PCDH15: variants seen among roughly 807,000 people sequenced by gnomAD.
PCDH15 encodes the protein protocadherin-15.
PCDH15 carries 129 observed loss-of-function variants against 178.5 expected under a neutral mutation model. The ratio of observed to expected loss-of-function variants is 0.72; its 90% CI spans 0.63 to 0.84. The LOEUF (loss-of-function observed/expected upper bound fraction) is 0.84. PCDH15 is among the 40% of genes least tolerant of loss of function. The probability of loss-of-function intolerance (pLI) is 0.00; values close to 1 mark genes in which losing one functional copy is unlikely to be tolerated. For missense variants in PCDH15, 2,230 were observed against 2,099.9 expected (o/e 1.06, Z -1.21); for synonymous variants, 800 against 732.0 (o/e 1.09, Z -1.50).
chr10:54,369,400 A>C, intron 4 of PCDH15, 125 bp from the exon 5 acceptor site: 20 of 859,828 alleles, frequency 2.3e-5, no homozygotes, highest in Non-Finnish European at 3.1e-5. Context: ...TAATAATCTC[A>C]AAGAAAATGA....
chr10:55,402,259 T>C (rs1838088697), intron 2 of PCDH15, among the ~76,000 whole-genome samples: 2 of 152,102 alleles, frequency 1.3e-5, no homozygotes, highest in African/African-American at 2.4e-5. Flanking sequence ...AATAATTACA[T>C]ATATTTATGG....
At chr10:55,587,763 T>G (rs1443657107) in intron 2 of PCDH15, among the ~76,000 whole-genome samples, 1 of 152,214 alleles carries the variant, frequency 6.6e-6, no homozygotes, top group Admixed American at 6.5e-5. Context: ...TTTTTTACAC[T>G]ATTTTAAGTG....
At chr10:55,307,172 A>G (rs1843449125) in intron 1 of PCDH15, among the ~76,000 whole-genome samples, 1 of 152,062 alleles carries the variant, frequency 6.6e-6, no homozygotes, top group East Asian at 1.9e-4. Context: ...TATATAAGGT[A>G]TATTTTACAT....
At chr10:54,309,813 C>A (rs1166412749) in intron 8 of PCDH15, among the ~76,000 whole-genome samples, 1 of 151,656 alleles carries the variant, frequency 6.6e-6, no homozygotes, top group African/African-American at 2.4e-5. Context: ...AAAAAAAATA[C>A]TGTATATCTG....
At chr10:54,081,588 G>A (rs1048693967) in intron 16 of PCDH15, among the ~76,000 whole-genome samples, 8 of 152,072 alleles carry the variant, frequency 5.3e-5, no homozygotes, top group African/African-American at 1.9e-4. Context: ...GGGATTCATA[G>A]CTGAAAGACT....
chr10:54,658,201 T>C (rs117619296), intron 2 of PCDH15, among the ~76,000 whole-genome samples: 5,477 of 151,858 alleles, frequency 0.036, 235 homozygotes, highest in African/African-American at 0.1. Flanking sequence ...GAAAGAAACA[T>C]GAAAAATATA....
chr10:53,807,239 T>C, intron 37 of PCDH15, 109 bp from the exon 38 acceptor site: 2 of 894,864 alleles, frequency 2.2e-6, no homozygotes, highest in Non-Finnish European at 3.3e-6. Context: ...CTGTCAAAGG[T>C]AAATCACTCA....
chr10:54,172,439 G>C (rs553410451), intron 13 of PCDH15, among the ~76,000 whole-genome samples: 1 of 151,998 alleles, frequency 6.6e-6, no homozygotes, highest in East Asian at 1.9e-4. Context: ...GCCTGCACCC[G>C]GGTGAAATAA....
chr10:54,319,091 G>T (rs1280145794), intron 7 of PCDH15, among the ~76,000 whole-genome samples: 1 of 152,126 alleles, frequency 6.6e-6, no homozygotes. Flanking sequence ...CAAGGGTGGT[G>T]GTGGTAGCAT....
At chr10:54,009,665 G>A (rs946016292) in intron 20 of PCDH15, among the ~76,000 whole-genome samples, 4 of 152,168 alleles carry the variant, frequency 2.6e-5, no homozygotes, top group African/African-American at 9.6e-5. Flanking sequence ...ACAGAGGAGA[G>A]CAAGACAAGA....
chr10:54,221,421 C>T (rs952812871), intron 9 of PCDH15, among the ~76,000 whole-genome samples: 1 of 151,898 alleles, frequency 6.6e-6, no homozygotes, highest in African/African-American at 2.4e-5. Context: ...TTTAATTACA[C>T]GTGTTGATCA....
At position 55,207,169 on chromosome 10, in the gene PCDH15, A is replaced by G. The variant is rs139875039; in HGVS notation, c.-155-40518T>C. On this transcript the variant is annotated intron_variant, in intron 1 of 5. Coordinates refer to the PCDH15 transcript ENST00000458638. ...AAAACTTTGTTATTTATTAAATAGT[A>G]ATTTAGCACTTACAACATGATGAAT... Among the ~76,000 whole-genome samples, 670 of 152,198 alleles carry G rather than the reference A, an allele frequency of 4.4e-3. 7 individuals carry two copies. The highest frequency in any genetic ancestry group is 0.016 in the African/African-American group (651 of 41,474).
At chr10:55,169,598 T>C (rs1285659412) in intron 1 of PCDH15, among the ~76,000 whole-genome samples, 1 of 152,174 alleles carries the variant, frequency 6.6e-6, no homozygotes, top group Non-Finnish European at 1.5e-5. Flanking sequence ...TCAGTCTTCA[T>C]AACCACTATC....
intron 1 of PCDH15, among the ~76,000 whole-genome samples, chr10:54,780,320 T>A (rs1022854153): frequency 2.0e-5 from 3 of 152,154 alleles, no homozygotes; most frequent in African/African-American, 7.2e-5. Flanking sequence ...TACATTACAT[T>A]TACTAACGTA....
intron 2 of PCDH15, among the ~76,000 whole-genome samples, chr10:55,450,610 T>G (rs989634941): frequency 6.6e-6 from 1 of 152,164 alleles, no homozygotes; most frequent in Non-Finnish European, 1.5e-5. Context: ...TTGTTCAAAT[T>G]CATTGCAATT....
chr10:54,020,060 CTA>C (rs2092865598), intron 20 of PCDH15, 130 bp downstream of exon 20: 2 of 725,718 alleles, frequency 2.8e-6, no homozygotes, highest in Admixed American at 5.2e-5. Context: ...ATTGGAAAAT[CTA>C]TGTTATGGGT....
intron 3 of PCDH15, among the ~76,000 whole-genome samples, chr10:54,813,848 A>G (rs1761719137): frequency 6.6e-6 from 1 of 152,154 alleles, no homozygotes; most frequent in African/African-American, 2.4e-5. Context: ...TCTTTACATA[A>G]TTTCAATATC....
chr10:55,532,396 G>A (rs572425078), intron 2 of PCDH15, among the ~76,000 whole-genome samples: 53 of 151,942 alleles, frequency 3.5e-4, no homozygotes, highest in African/African-American at 1.2e-3. Context: ...ATACTCAGTC[G>A]CTTCATTAAT....
intron 2 of PCDH15, among the ~76,000 whole-genome samples, chr10:54,998,770 C>T (rs1387474400): frequency 6.6e-6 from 1 of 152,018 alleles, no homozygotes; most frequent in Non-Finnish European, 1.5e-5. Flanking sequence ...TTTATTAGTA[C>T]CAGCACTACA....
Sources: allele counts gnomAD v4.1 joint callset (sites outside exome capture counted in the v4.1 genomes callset), GRCh38; gene constraint gnomAD v4.1.1; transcripts MANE v1.5; gene names NCBI Gene and HGNC (gene_info 2026-07-23, HGNC 2026-07-21).